The following PDIA3 variants were observed in gnomAD, a reference collection of about 807,000 sequenced individuals.
PDIA3 encodes the protein protein disulfide isomerase family A member 3.
Under a neutral mutation model 56.9 loss-of-function variants are expected in PDIA3, and 16 were observed. The observed-to-expected ratio is 0.28, with a 90% CI of 0.19 to 0.43. The LOEUF is 0.43. Among genes scored for constraint, PDIA3 ranks in the 20% least tolerant of loss-of-function variants. PDIA3 has a pLI of 1.00. For synonymous variants in PDIA3, 192 were observed against 216.5 expected, an observed-to-expected ratio of 0.89 and a Z score of 0.99; for missense variants, 485 against 621.3, an observed-to-expected ratio of 0.78 and a Z score of 2.33.
chr15:43,765,708 G>A, intron 6 of PDIA3, 142 bp downstream of exon 6: 1 of 843,242 alleles, frequency 1.2e-6, no homozygotes, highest in South Asian at 1.6e-5. Context: ...TTATATTAAA[G>A]CAGTAATGTG....
Position 43,746,482 on chromosome 15 carries a change from C to T in PDIA3, c.-58C>T, listed in dbSNP as rs1410865866. 61 of 1,418,574 alleles carry T rather than the reference C, an allele frequency of 4.3e-5. No homozygotes were observed. The highest frequency in any genetic ancestry group is 5.4e-5 in the Non-Finnish European group (58 of 1,075,938). The allele number at this position is 1,418,574 out of a possible 1,614,324, so 87.9% of individuals were successfully genotyped here. ...GCGGGTTAGTGGTCGCGCGCCCGAC[C>T]TCCGCAGTCCCAGCCGAGCCGCGAC... On this transcript the variant is annotated 5_prime_UTR_variant, in exon 1 of 13. Coordinates refer to ENST00000300289, the MANE Select transcript of PDIA3 (RefSeq NM_005313.5).
intron 3 of PDIA3, among the ~76,000 whole-genome samples, chr15:43,757,209 G>T (rs2086783723): frequency 6.6e-6 from 1 of 152,194 alleles, no homozygotes; most frequent in Non-Finnish European, 1.5e-5. Flanking sequence ...GCTGAGGTGA[G>T]AGACTGTCTT....
intron 4 of PDIA3, among the ~76,000 whole-genome samples, chr15:43,762,505 C>CT (rs2141653114): frequency 7.1e-6 from 1 of 140,940 alleles, no homozygotes; most frequent in South Asian, 2.2e-4. Context: ...GAGCAAAACT[C>CT]TGTCGCAAAA....
intron 3 of PDIA3, among the ~76,000 whole-genome samples, chr15:43,757,485 G>A (rs917792558): frequency 6.6e-6 from 1 of 151,772 alleles, no homozygotes; most frequent in Non-Finnish European, 1.5e-5. Context: ...GTGAACCTGG[G>A]AGGCGGAGCT....
At chr15:43,750,349 A>C (rs537799250) in intron 1 of PDIA3, among the ~76,000 whole-genome samples, 1 of 151,190 alleles carries the variant, frequency 6.6e-6, no homozygotes, top group Non-Finnish European at 1.5e-5. Context: ...GATTTTGTAG[A>C]CTAATATTTC....
intron 2 of PDIA3, among the ~76,000 whole-genome samples, chr15:43,756,098 C>T (rs958191173): frequency 9.9e-5 from 15 of 151,970 alleles, no homozygotes; most frequent in Admixed American, 1.3e-4. Flanking sequence ...TGGCTCGTTC[C>T]GGGAAATTAT....
chr15:43,766,986 CA>C, intron 8 of PDIA3, 76 bp downstream of exon 8: 1 of 1,291,220 alleles, frequency 7.7e-7, no homozygotes, highest in South Asian at 1.2e-5. Flanking sequence ...TTCTAAAGAA[CA>C]ATAACCCTGG....
At chr15:43,756,568 A>C (rs563144890) in intron 2 of PDIA3, 81 bp from the exon 3 acceptor site, 1 of 821,494 alleles carries the variant, frequency 1.2e-6, no homozygotes, top group South Asian at 1.4e-5. Flanking sequence ...GGATTTGACC[A>C]ATCCTAGTAT....
At position 43,771,346 on chromosome 15, in the gene PDIA3, GAATCCTGTTA is replaced by G. The variant is rs2086880861; in HGVS notation, c.*132_*141del. 1.4e-5 allele frequency: 8 copies of G among 564,972 alleles called. No individual in the cohort carries two copies. The highest frequency in any genetic ancestry group is 5.5e-5 in the South Asian group (2 of 36,550). The allele number at this position is 564,972 out of a possible 1,614,324, so 35.0% of individuals were successfully genotyped here. A position where few individuals can be genotyped will look rare whatever the true frequency, so the allele number is the denominator to read the frequency against. On this transcript the variant is annotated 3_prime_UTR_variant, in exon 13 of 13. Transcript: ENST00000300289. ...CGAGAGGACAGAATGGATATAATCT[GAATCCTGTTA>G]AATTTTCTCTAAACTGTTTCTTAGC...
chr15:43,751,300 C>A (rs1335557329), intron 1 of PDIA3, among the ~76,000 whole-genome samples: 1 of 151,948 alleles, frequency 6.6e-6, no homozygotes, highest in Admixed American at 6.6e-5. Flanking sequence ...TGTGTCACCC[C>A]TGCCAGACTG....
At chr15:43,763,306 G>A (rs1355938128) in intron 5 of PDIA3, 100 bp downstream of exon 5, 2 of 1,337,368 alleles carry the variant, frequency 1.5e-6, no homozygotes, top group Non-Finnish European at 2.1e-6. Flanking sequence ...AGGCTGGAGT[G>A]CAGTGGTGCA....
chr15:43,770,231 T>C lies in PDIA3; in HGVS notation c.1267-19T>C, dbSNP rs763980654. The C allele has an allele frequency of 4.4e-6, 7 of 1,600,450 alleles. No homozygotes were observed. The East Asian group carries it at 1.6e-4, about 36-fold the overall frequency. The stretch of plus-strand genomic sequence containing the variant: ...ACTGAAAACTTGAAATGTAAACATT[T>C]AACCTGTTTTATTAACAGCTCAGCA... On this transcript the variant is annotated intron_variant, in intron 10 of 12. Coordinates refer to ENST00000300289, the MANE Select transcript of PDIA3 (RefSeq NM_005313.5).
intron 4 of PDIA3, among the ~76,000 whole-genome samples, chr15:43,762,730 C>T (rs1417275237): frequency 6.6e-6 from 1 of 152,116 alleles, no homozygotes; most frequent in African/African-American, 2.4e-5. Flanking sequence ...AAGTGGTTTA[C>T]AGTTTATTTT....
intron 3 of PDIA3, 87 bp downstream of exon 3, chr15:43,756,853 G>T: frequency 2.7e-6 from 2 of 736,032 alleles, no homozygotes; most frequent in African/African-American, 1.8e-5. Flanking sequence ...TTTCTACACA[G>T]TATACTTTCA....
chr15:43,764,433 A>G (rs939254016), intron 5 of PDIA3, among the ~76,000 whole-genome samples: 3 of 152,222 alleles, frequency 2.0e-5, no homozygotes, highest in Admixed American at 6.5e-5. Context: ...GTCACTAACT[A>G]TGAGTGAAAA....
At chr15:43,762,350 A>T (rs1432833446) in intron 4 of PDIA3, among the ~76,000 whole-genome samples, 1 of 152,114 alleles carries the variant, frequency 6.6e-6, no homozygotes, top group Non-Finnish European at 1.5e-5. Flanking sequence ...TGTCTCTACT[A>T]AAAATACAAA....
intron 9 of PDIA3, 111 bp downstream of exon 9, chr15:43,768,708 T>C (rs1277015896): frequency 2.8e-6 from 2 of 711,104 alleles, no homozygotes; most frequent in African/African-American, 3.5e-5. Context: ...TTTTTTTTTT[T>C]GTCCTTACTC....
intron 11 of PDIA3, 80 bp downstream of exon 11, chr15:43,770,409 G>T: frequency 7.2e-7 from 1 of 1,394,678 alleles, no homozygotes; most frequent in South Asian, 1.2e-5. Context: ...ATCATTACTA[G>T]ACATAGTTTT....
intron 6 of PDIA3, 117 bp downstream of exon 6, chr15:43,765,683 A>G: frequency 1.2e-6 from 1 of 863,642 alleles, no homozygotes; most frequent in Non-Finnish European, 1.9e-6. Flanking sequence ...GGATTGTAAT[A>G]GTAATAGTTT....
Sources: allele counts gnomAD v4.1 joint callset (sites outside exome capture counted in the v4.1 genomes callset), GRCh38; gene constraint gnomAD v4.1.1; transcripts MANE v1.5; gene names NCBI Gene and HGNC (gene_info 2026-07-23, HGNC 2026-07-21).